The following LRRC4C variants were observed in gnomAD, a reference collection of about 807,000 sequenced individuals.
LRRC4C encodes the protein leucine-rich repeat-containing protein 4C.
LRRC4C carries 5 observed loss-of-function variants against 33.6 expected under a neutral mutation model. That is an observed-to-expected ratio of 0.15 (90% CI 0.08 to 0.31). The LOEUF (loss-of-function observed/expected upper bound fraction) is 0.31, where lower values mean the gene tolerates loss of function less well. Ranked by LOEUF, LRRC4C falls within the 10% of genes least tolerant of loss-of-function variation. The pLI, the probability that LRRC4C is intolerant of heterozygous loss-of-function variation, is 1.00. For missense variants in LRRC4C, 560 were observed against 796.7 expected, an observed-to-expected ratio of 0.70 and a Z score of 3.58; for synonymous variants, 329 against 302.0, an observed-to-expected ratio of 1.09 and a Z score of -0.93.
intron 2 of LRRC4C, among the ~76,000 whole-genome samples, chr11:40,883,972 T>C (rs1397872913): frequency 6.6e-6 from 1 of 151,816 alleles, no homozygotes; most frequent in Non-Finnish European, 1.5e-5. Context: ...GGTATACATA[T>C]GCTATGGTGG....
intron 3 of LRRC4C, among the ~76,000 whole-genome samples, chr11:40,628,339 G>A (rs1314833839): frequency 3.3e-5 from 5 of 152,188 alleles, no homozygotes; most frequent in Middle Eastern, 3.4e-3. Context: ...TTAGCCGGGC[G>A]TGGTGGCGGG....
intron 2 of LRRC4C, among the ~76,000 whole-genome samples, chr11:40,876,369 G>A (rs926661848): frequency 5.5e-5 from 8 of 146,598 alleles, no homozygotes; most frequent in Non-Finnish European, 1.0e-4. Flanking sequence ...GCTCAGTCTC[G>A]TTCAAAGTCC....
At chr11:40,236,034 G>A (rs994079745) in intron 5 of LRRC4C, among the ~76,000 whole-genome samples, 1 of 151,890 alleles carries the variant, frequency 6.6e-6, no homozygotes, top group Non-Finnish European at 1.5e-5. Context: ...CTACCAGGGT[G>A]CGCAGCTTCA....
chr11:40,564,264 T>C (rs1161386250), intron 3 of LRRC4C, among the ~76,000 whole-genome samples: 1 of 152,178 alleles, frequency 6.6e-6, no homozygotes, highest in African/African-American at 2.4e-5. Context: ...CTTGGCGAAG[T>C]GTGAGTACCT....
At chr11:40,879,645 C>T (rs1033611453) in intron 2 of LRRC4C, among the ~76,000 whole-genome samples, 3 of 152,060 alleles carry the variant, frequency 2.0e-5, no homozygotes, top group African/African-American at 4.8e-5. Context: ...GACACACACA[C>T]GCACACCAAG....
intron 2 of LRRC4C, among the ~76,000 whole-genome samples, chr11:40,848,964 C>T (rs1302171443): frequency 6.6e-6 from 1 of 152,124 alleles, no homozygotes; most frequent in Non-Finnish European, 1.5e-5. Context: ...ACTAGGATTG[C>T]AACCCCTGCT....
At chr11:40,895,536 T>C (rs1955900716) in intron 2 of LRRC4C, among the ~76,000 whole-genome samples, 1 of 152,130 alleles carries the variant, frequency 6.6e-6, no homozygotes. Context: ...TCCAGGGACA[T>C]CATCTTCTGT....
chr11:41,065,619 G>T (rs1938173690), intron 1 of LRRC4C, among the ~76,000 whole-genome samples: 1 of 152,192 alleles, frequency 6.6e-6, no homozygotes, highest in African/African-American at 2.4e-5. Flanking sequence ...TCCTGACAAG[G>T]AGAGGCCTCC....
intron 3 of LRRC4C, among the ~76,000 whole-genome samples, chr11:40,359,870 C>T (rs769292650): frequency 6.6e-6 from 1 of 152,120 alleles, no homozygotes; most frequent in Non-Finnish European, 1.5e-5. Context: ...TTGGAATACT[C>T]TCTCCCAATC....
chr11:40,463,045 A>G (rs1033038469), intron 3 of LRRC4C, among the ~76,000 whole-genome samples: 1 of 152,082 alleles, frequency 6.6e-6, no homozygotes, highest in Non-Finnish European at 1.5e-5. Flanking sequence ...TGCTGGCTTC[A>G]ATTAGCTCTG....
chr11:40,840,863 T>C (rs978069276), intron 2 of LRRC4C, among the ~76,000 whole-genome samples: 3 of 152,220 alleles, frequency 2.0e-5, no homozygotes, highest in Admixed American at 2.0e-4. Flanking sequence ...CATTATATGC[T>C]CTGGGAACCA....
intron 2 of LRRC4C, among the ~76,000 whole-genome samples, chr11:40,791,024 G>T (rs372322394): frequency 6.6e-6 from 1 of 152,102 alleles, no homozygotes; most frequent in African/African-American, 2.4e-5. Flanking sequence ...CACAATATGA[G>T]CTGCATTTTG....
At chr11:40,542,242 C>T (rs1183861140) in intron 3 of LRRC4C, among the ~76,000 whole-genome samples, 1 of 151,908 alleles carries the variant, frequency 6.6e-6, no homozygotes, top group Non-Finnish European at 1.5e-5. Flanking sequence ...TTCTCTGCAC[C>T]CCACCCCAAC....
intron 3 of LRRC4C, among the ~76,000 whole-genome samples, chr11:40,518,169 C>A (rs940398099): frequency 6.6e-6 from 1 of 152,094 alleles, no homozygotes; most frequent in Non-Finnish European, 1.5e-5. Context: ...AGAAGAAAAC[C>A]TAGGCAATGC....
intron 5 of LRRC4C, among the ~76,000 whole-genome samples, chr11:40,145,093 A>T (rs543378066): frequency 6.6e-6 from 1 of 152,302 alleles, no homozygotes; most frequent in Non-Finnish European, 1.5e-5. Flanking sequence ...GGGCATGCAT[A>T]CACCCCAGTA....
intron 5 of LRRC4C, among the ~76,000 whole-genome samples, chr11:40,200,784 A>AAAAAAAAAAAAAAAAAAAAG (rs71060946): frequency 1.0e-4 from 8 of 78,418 alleles, no homozygotes; most frequent in East Asian, 4.2e-4. Context: ...AAAAAAAAAA[A>AAAAAAAAAAAAAAAAAAAAG]AAAAGAAAAG....
intron 4 of LRRC4C, among the ~76,000 whole-genome samples, chr11:40,253,577 G>A (rs1866959350): frequency 6.6e-6 from 1 of 152,172 alleles, no homozygotes; most frequent in African/African-American, 2.4e-5. Flanking sequence ...ATGACTTCCT[G>A]TGCTGCACTT....
intron 1 of LRRC4C, among the ~76,000 whole-genome samples, chr11:41,400,580 G>T (rs1283304461): frequency 4.7e-5 from 1 of 21,446 alleles, no homozygotes; most frequent in Non-Finnish European, 8.6e-5. Context: ...AGAAATAGGA[G>T]ATATTTTTTT....
At chr11:40,980,483 A>G (rs1026559592) in intron 1 of LRRC4C, among the ~76,000 whole-genome samples, 1 of 152,230 alleles carries the variant, frequency 6.6e-6, no homozygotes, top group Non-Finnish European at 1.5e-5. Context: ...ACCTCCTAGC[A>G]TAGTCTGCAC....
Sources: gnomAD v4.1 joint callset for allele counts (sites outside exome capture counted in the v4.1 genomes callset) on GRCh38, gnomAD v4.1.1 for gene constraint, MANE v1.5 for transcripts, NCBI Gene and HGNC (gene_info 2026-07-23, HGNC 2026-07-21) for gene names.